STK32B: variants seen among roughly 807,000 people sequenced by gnomAD.
STK32B encodes serine/threonine-protein kinase 32B.
Under a neutral mutation model 52.6 loss-of-function variants are expected in STK32B, and 43 were observed. The observed-to-expected ratio is 0.82, with a 90% CI of 0.64 to 1.05. The LOEUF (loss-of-function observed/expected upper bound fraction) is 1.05. Ranked by LOEUF, STK32B falls within the 50% of genes least tolerant of loss-of-function variation. The pLI, the probability that STK32B is intolerant of heterozygous loss-of-function variation, is 0.00. For missense variants in STK32B, 621 were observed against 534.6 expected, an observed-to-expected ratio of 1.16 and a Z score of -1.59; for synonymous variants, 238 against 204.3, an observed-to-expected ratio of 1.17 and a Z score of -1.41.
chr4:5,268,361 G>A (rs757973759), intron 3 of STK32B, among the ~76,000 whole-genome samples: 3 of 152,118 alleles, frequency 2.0e-5, no homozygotes, highest in Non-Finnish European at 4.4e-5. Flanking sequence ...AAATGTATCT[G>A]CCTCGACCGC....
At chr4:5,408,952 C>A (rs1737850221) in intron 5 of STK32B, among the ~76,000 whole-genome samples, 1 of 152,136 alleles carries the variant, frequency 6.6e-6, no homozygotes, top group Non-Finnish European at 1.5e-5. Flanking sequence ...AATAGGAAGA[C>A]AATGGGGCTC....
At chr4:5,073,610 A>G (rs529812675) in intron 1 of STK32B, among the ~76,000 whole-genome samples, 14 of 152,122 alleles carry the variant, frequency 9.2e-5, no homozygotes, top group African/African-American at 3.1e-4. Flanking sequence ...TTTATCATAT[A>G]TCATTTGTCT....
At chr4:5,265,025 G>A (rs1266199737) in intron 3 of STK32B, among the ~76,000 whole-genome samples, 1 of 152,036 alleles carries the variant, frequency 6.6e-6, no homozygotes, top group Non-Finnish European at 1.5e-5. Flanking sequence ...TATCACAAAG[G>A]TAGTCTTCTG....
In STK32B at chr4:5,378,372, A is replaced by T. The variant is rs1735713792; in HGVS notation, c.435-19835A>T. Reference sequence around the variant, plus strand: ...CAGACCAGTAGCCAAGCTCCTAGAGATTCTGAAGCCCTGTGCCTGGGTCGT... The same window carrying T: ...CAGACCAGTAGCCAAGCTCCTAGAGTTTCTGAAGCCCTGTGCCTGGGTCGT... On this transcript the variant is annotated intron_variant, in intron 4 of 11. Transcript: ENST00000282908. The surrounding 1 kb of genome is among the most constrained non-coding windows in gnomAD (Gnocchi z 4.4). 1.3e-5 allele frequency among the ~76,000 whole-genome samples: 2 copies of T among 152,284 alleles called. No individual in the cohort carries two copies. The highest frequency in any genetic ancestry group is 4.1e-4 in the South Asian group (2 of 4,826).
intron 3 of STK32B, among the ~76,000 whole-genome samples, chr4:5,294,883 C>T (rs1729096933): frequency 6.6e-6 from 1 of 152,088 alleles, no homozygotes. Flanking sequence ...AGTTTTTGCC[C>T]ATTCAGTATG....
chr4:5,175,964 C>T (rs1231226541), intron 3 of STK32B, among the ~76,000 whole-genome samples: 1 of 152,254 alleles, frequency 6.6e-6, no homozygotes, highest in Non-Finnish European at 1.5e-5. Context: ...TCGAGCTTCC[C>T]AGCTGCTTTG....
chr4:5,205,185 C>A (rs1722471244), intron 3 of STK32B, among the ~76,000 whole-genome samples: 1 of 151,378 alleles, frequency 6.6e-6, no homozygotes, highest in Non-Finnish European at 1.5e-5. Flanking sequence ...ATATCATTGC[C>A]TCTCCTGGTC....
At chr4:5,442,121 C>T (rs1277240883) in intron 6 of STK32B, among the ~76,000 whole-genome samples, 96 of 116,660 alleles carry the variant, frequency 8.2e-4, no homozygotes, top group Middle Eastern at 7.4e-3. Context: ...CTATTAGGTC[C>T]GCTTGGTGCA....
intron 3 of STK32B, among the ~76,000 whole-genome samples, chr4:5,247,244 T>G (rs1725524794): frequency 6.6e-6 from 1 of 152,164 alleles, no homozygotes; most frequent in African/African-American, 2.4e-5. Flanking sequence ...CCTGGCCGCT[T>G]TTTTTACCTA....
At chr4:5,290,590 ATTT>A (rs555595562) in intron 3 of STK32B, among the ~76,000 whole-genome samples, 1 of 151,450 alleles carries the variant, frequency 6.6e-6, no homozygotes, top group African/African-American at 2.4e-5. Context: ...ACGTGACTGC[ATTT>A]TTTTAATTAC....
chr4:5,172,087 A>G (rs1053086152), intron 3 of STK32B, among the ~76,000 whole-genome samples: 1 of 148,896 alleles, frequency 6.7e-6, no homozygotes, highest in African/African-American at 2.4e-5. Flanking sequence ...ATGGGAGTTA[A>G]CTCATGATTT....
intron 11 of STK32B, among the ~76,000 whole-genome samples, chr4:5,493,290 T>C (rs1323373499): frequency 6.6e-6 from 1 of 152,214 alleles, no homozygotes; most frequent in East Asian, 1.9e-4. Context: ...ATTCAACTTC[T>C]TCCTGGTTTA....
At chr4:5,209,556 G>A (rs1033389922) in intron 3 of STK32B, among the ~76,000 whole-genome samples, 11 of 152,196 alleles carry the variant, frequency 7.2e-5, no homozygotes, top group African/African-American at 2.7e-4. Context: ...GGGGCAACCA[G>A]TGGTCAAAAT....
At position 5,281,458 on chromosome 4, in the gene STK32B, T is replaced by A. The variant is rs191119452; in HGVS notation, c.261-49762T>A. ...ACCTGTTAGGGTTGGGGGCAAAGGG[T>A]TGGGAGAGCATTAGGACAAATACCT... On this transcript the variant is annotated intron_variant, in intron 3 of 11. Transcript: ENST00000282908. 3.3e-3 allele frequency among the ~76,000 whole-genome samples: 499 copies of A among 151,814 alleles called. 1 individual carries two copies. The highest frequency in any genetic ancestry group is 4.4e-3 in the Non-Finnish European group (299 of 67,908).
chr4:5,392,524 A>G (rs1353999926), intron 4 of STK32B, among the ~76,000 whole-genome samples: 1 of 152,130 alleles, frequency 6.6e-6, no homozygotes, highest in African/African-American at 2.4e-5. Context: ...TGGGAACCCC[A>G]ATTTATTCCT....
chr4:5,105,071 C>G (rs969746278), intron 1 of STK32B, among the ~76,000 whole-genome samples: 2 of 152,196 alleles, frequency 1.3e-5, no homozygotes, highest in Admixed American at 6.5e-5. Context: ...TCCCTTTGCT[C>G]CATATCCTTA....
At chr4:5,200,083 C>G (rs1424713450) in intron 3 of STK32B, among the ~76,000 whole-genome samples, 1 of 152,110 alleles carries the variant, frequency 6.6e-6, no homozygotes, top group Admixed American at 6.5e-5. Flanking sequence ...TGCCAGGCCT[C>G]AGACAATCTG....
intron 1 of STK32B, among the ~76,000 whole-genome samples, chr4:5,079,854 G>T (rs1712305300): frequency 6.6e-6 from 1 of 152,124 alleles, no homozygotes; most frequent in African/African-American, 2.4e-5. Context: ...AATGTAGTAA[G>T]CCAGACACAG....
intron 3 of STK32B, among the ~76,000 whole-genome samples, chr4:5,248,980 G>T (rs201377102): frequency 6.6e-5 from 10 of 151,978 alleles, no homozygotes; most frequent in African/African-American, 2.4e-4. Context: ...CTAATGTAAA[G>T]GACGAGTTAA....
Sources: allele counts gnomAD v4.1 joint callset (sites outside exome capture counted in the v4.1 genomes callset), GRCh38; gene constraint gnomAD v4.1.1; non-coding constraint Gnocchi (gnomAD v3.1); transcripts MANE v1.5; gene names NCBI Gene and HGNC (gene_info 2026-07-23, HGNC 2026-07-21).